TENM1: variants seen among roughly 807,000 people sequenced by gnomAD.
TENM1 encodes the protein teneurin-1.
In TENM1, 35 loss-of-function variants were observed where a neutral mutation model predicts 174.8. The observed-to-expected ratio is 0.20, with a 90% confidence interval of 0.15 to 0.27. TENM1 has a LOEUF of 0.27. Among genes scored for constraint, TENM1 ranks in the 10% least tolerant of loss-of-function variants. The pLI is 1.00. For missense variants in TENM1, 1,633 were observed against 2,130.1 expected, an observed-to-expected ratio of 0.77 and a Z score of 4.59; for synonymous variants, 781 against 798.7, an observed-to-expected ratio of 0.98 and a Z score of 0.37.
intron 22 of TENM1, among the ~76,000 whole-genome samples, chrX:124,475,831 A>C (rs756875350): frequency 1.8e-5 from 2 of 111,292 alleles, no homozygotes; most frequent in Non-Finnish European, 3.8e-5. Flanking sequence ...TCAAAAACGC[A>C]TGCACAAGGT....
At chrX:124,940,588 TAA>T (rs1446469027) in intron 1 of TENM1, among the ~76,000 whole-genome samples, 1 of 111,341 alleles carries the variant, frequency 9.0e-6, no homozygotes, top group African/African-American at 3.3e-5. Context: ...ACTTATATAC[TAA>T]CTTTCCCTGC....
chrX:124,700,068 C>G (rs2052741217), intron 5 of TENM1, among the ~76,000 whole-genome samples: 1 of 112,074 alleles, frequency 8.9e-6, no homozygotes, highest in Non-Finnish European at 1.9e-5. Context: ...GCATTTTATG[C>G]TGAGTCATTT....
At chrX:124,689,411 T>C (rs1303839290) in intron 5 of TENM1, among the ~76,000 whole-genome samples, 1 of 112,084 alleles carries the variant, frequency 8.9e-6, no homozygotes, top group Non-Finnish European at 1.9e-5. Context: ...GACAAATGAC[T>C]ATATACAATA....
chrX:125,003,620 G>T, the TENM1 span, among the ~76,000 whole-genome samples: 2 of 109,702 alleles, frequency 1.8e-5, no homozygotes, highest in East Asian at 2.9e-4. Context: ...ATGGCTATGG[G>T]TTTTTTTTTC....
chrX:124,600,040 G>GTATA (rs1556017543), intron 11 of TENM1, among the ~76,000 whole-genome samples: 4 of 108,188 alleles, frequency 3.7e-5, no homozygotes, highest in African/African-American at 1.3e-4. Flanking sequence ...GTGTGTGTGT[G>GTATA]TATATATATA....
intron 23 of TENM1, among the ~76,000 whole-genome samples, chrX:124,444,940 G>A (rs1258102375): frequency 9.0e-6 from 1 of 111,592 alleles, no homozygotes; most frequent in Non-Finnish European, 1.9e-5. Flanking sequence ...AAAATAATGT[G>A]GGCTTTGGCG....
chrX:124,710,086 G>A (rs377581316), intron 4 of TENM1, among the ~76,000 whole-genome samples: 33 of 110,963 alleles, frequency 3.0e-4, no homozygotes, highest in African/African-American at 9.8e-4. Context: ...AACCTCCTCC[G>A]CACCATAAAA....
intron 3 of TENM1, among the ~76,000 whole-genome samples, chrX:124,750,055 T>A (rs1426382888): frequency 8.9e-6 from 1 of 112,161 alleles, no homozygotes; most frequent in African/African-American, 3.2e-5. Flanking sequence ...CAGTGATGAC[T>A]TACATATATT....
chrX:124,859,272 C>A (rs1462246058), intron 3 of TENM1, among the ~76,000 whole-genome samples: 2 of 110,697 alleles, frequency 1.8e-5, no homozygotes, highest in African/African-American at 6.6e-5. Flanking sequence ...TGGCCAGGCG[C>A]GGTGGCTCAA....
the TENM1 span, among the ~76,000 whole-genome samples, chrX:125,130,917 A>G: frequency 8.1e-5 from 9 of 111,644 alleles, no homozygotes; most frequent in South Asian, 3.4e-3. Flanking sequence ...GGTAAAATAT[A>G]AAGTATGTCA....
intron 11 of TENM1, among the ~76,000 whole-genome samples, chrX:124,572,851 G>T (rs1349650948): frequency 9.0e-6 from 1 of 110,758 alleles, no homozygotes; most frequent in Admixed American, 9.6e-5. Context: ...CTTTATTGAA[G>T]AACACATAAA....
At chrX:125,173,379 A>C in the TENM1 span, among the ~76,000 whole-genome samples, 1 of 111,664 alleles carries the variant, frequency 9.0e-6, no homozygotes, top group Non-Finnish European at 1.9e-5. Flanking sequence ...AGTCGTCAGG[A>C]GACTTTTGTT....
At chrX:124,925,535 T>C (rs1455960873) in intron 1 of TENM1, among the ~76,000 whole-genome samples, 1 of 112,524 alleles carries the variant, frequency 8.9e-6, no homozygotes, top group Non-Finnish European at 1.9e-5. Flanking sequence ...TTGTGTGTGC[T>C]GCACTGAATC....
At chrX:125,099,821 A>C in the TENM1 span, among the ~76,000 whole-genome samples, 1 of 112,123 alleles carries the variant, frequency 8.9e-6, no homozygotes, top group Non-Finnish European at 1.9e-5. Context: ...GAATGGCAGA[A>C]CCCTGGATGA....
At chrX:124,543,447 GT>G (rs941326223) in intron 15 of TENM1, among the ~76,000 whole-genome samples, 1 of 111,600 alleles carries the variant, frequency 9.0e-6, no homozygotes, top group Non-Finnish European at 1.9e-5. Flanking sequence ...GTAAGATTTT[GT>G]TTTTTTAAAT....
At chrX:124,783,902 CATATTCTGTATA>C (rs1465755301) in intron 3 of TENM1, among the ~76,000 whole-genome samples, 1 of 111,395 alleles carries the variant, frequency 9.0e-6, no homozygotes, top group Non-Finnish European at 1.9e-5. Context: ...GAATGCACCC[CATATTCTGTATA>C]TAAACTCTGC....
At chrX:124,658,289 T>C (rs1323286002) in intron 6 of TENM1, among the ~76,000 whole-genome samples, 2 of 111,915 alleles carry the variant, frequency 1.8e-5, no homozygotes, top group East Asian at 5.6e-4. Flanking sequence ...CACATGCTTT[T>C]GTATCCATTA....
the TENM1 span, among the ~76,000 whole-genome samples, chrX:125,180,555 A>C: frequency 2.7e-5 from 3 of 109,712 alleles, no homozygotes; most frequent in Non-Finnish European, 5.7e-5. Flanking sequence ...ATGTAAATAA[A>C]ATCATCAGTG....
At chrX:125,110,684 C>T in the TENM1 span, among the ~76,000 whole-genome samples, 1 of 111,286 alleles carries the variant, frequency 9.0e-6, no homozygotes, top group Non-Finnish European at 1.9e-5. Flanking sequence ...TGTTTCTCCT[C>T]TCAAATGAAG....
Sources: gnomAD v4.1 joint callset for allele counts (sites outside exome capture counted in the v4.1 genomes callset) on GRCh38, gnomAD v4.1.1 for gene constraint, MANE v1.5 for transcripts, NCBI Gene and HGNC (gene_info 2026-07-23, HGNC 2026-07-21) for gene names.